Variants in ATG7 observed in about 807,000 individuals in gnomAD.
The protein encoded by ATG7 is autophagy related 7, also known as ubiquitin-like modifier-activating enzyme ATG7.
A neutral mutation model predicts 82.4 loss-of-function variants in ATG7; 70 were observed. That is an observed-to-expected ratio of 0.85 (90% confidence interval 0.70 to 1.04). ATG7 has a LOEUF of 1.04. ATG7 is among the 50% of genes least tolerant of loss of function. The pLI, the probability that ATG7 is intolerant of heterozygous loss-of-function variation, is 0.00. For missense variants in ATG7, 792 were observed against 864.3 expected (o/e 0.92, Z 1.05); for synonymous variants, 287 against 313.0 (o/e 0.92, Z 0.88).
intron 19 of ATG7, among the ~76,000 whole-genome samples, chr3:11,405,271 C>G (rs1461396843): frequency 1.3e-5 from 2 of 152,114 alleles, no homozygotes; most frequent in African/African-American, 4.8e-5. Context: ...ACTCTAAACT[C>G]CACCCCCACC....
chr3:11,555,139 A>G lies in ATG7; in HGVS notation c.*296A>G. 1 of 440,580 alleles carries G rather than the reference A, an allele frequency of 2.3e-6. No homozygotes were observed. The allele number at this position is 440,580 out of a possible 1,614,324, so 27.3% of individuals were successfully genotyped here. A position where few individuals can be genotyped will look rare whatever the true frequency, so the allele number is the denominator to read the frequency against. ...TCACAGTGACTGATAGCCATCCCCC[A>G]GGATCCTTTCCCCTTGGCCCTGAGG... On this transcript the variant is annotated 3_prime_UTR_variant, in exon 21 of 21. Transcript: ENST00000693202.
chr3:11,434,313 G>A (rs1337584181), intron 20 of ATG7, among the ~76,000 whole-genome samples: 1 of 152,224 alleles, frequency 6.6e-6, no homozygotes, highest in Non-Finnish European at 1.5e-5. Context: ...AAACCCCCGT[G>A]TCAGCACTCA....
At chr3:11,371,492 A>C (rs2076994519) in intron 18 of ATG7, among the ~76,000 whole-genome samples, 1 of 150,960 alleles carries the variant, frequency 6.6e-6, no homozygotes, top group South Asian at 2.1e-4. Flanking sequence ...TGGAGAATAG[A>C]CTGGAGGTGA....
downstream of ATG7, among the ~76,000 whole-genome samples, chr3:11,561,860 G>GA (rs1362420491): frequency 7.0e-6 from 1 of 143,074 alleles, no homozygotes; most frequent in African/African-American, 2.6e-5. Context: ...TCTCCTATCT[G>GA]AAAGCAACCC....
intron 1 of ATG7, among the ~76,000 whole-genome samples, chr3:11,274,180 G>T (rs750356309): frequency 2.4e-4 from 36 of 152,090 alleles, no homozygotes; most frequent in African/African-American, 8.7e-4. Context: ...TCCGTTTTTC[G>T]TTCCCAGCCA....
At chr3:11,318,431 C>T (rs992278770) in intron 9 of ATG7, among the ~76,000 whole-genome samples, 1 of 152,166 alleles carries the variant, frequency 6.6e-6, no homozygotes, top group African/African-American at 2.4e-5. Context: ...TTTGGTTGGT[C>T]TTCTATGCCT....
chr3:11,406,475 TA>T (rs561735434), intron 19 of ATG7, among the ~76,000 whole-genome samples: 2 of 150,382 alleles, frequency 1.3e-5, no homozygotes, highest in African/African-American at 2.4e-5. Flanking sequence ...CCAGTTAACT[TA>T]AAAAAAAAAT....
downstream of ATG7, chr3:11,559,514 T>TG (rs569721696): frequency 3.0e-4 from 443 of 1,483,016 alleles, 2 homozygotes; most frequent in South Asian, 5.7e-3. Context: ...GCACCACCCC[T>TG]GGGGCCCTCC....
the ATG7 span, chr3:11,564,846 C>T: frequency 5.6e-6 from 9 of 1,603,212 alleles, no homozygotes; most frequent in Non-Finnish European, 4.3e-6. Context: ...GGCTGGCCTG[C>T]TGGCGTCCAG....
chr3:11,386,683 A>G (rs1239910594), intron 19 of ATG7, among the ~76,000 whole-genome samples: 1 of 152,214 alleles, frequency 6.6e-6, no homozygotes, highest in African/African-American at 2.4e-5. Flanking sequence ...AATGATGAGT[A>G]ACCCCCAGGT....
At chr3:11,505,680 G>T (rs2091661164) in intron 20 of ATG7, among the ~76,000 whole-genome samples, 1 of 152,184 alleles carries the variant, frequency 6.6e-6, no homozygotes, top group Non-Finnish European at 1.5e-5. Flanking sequence ...ACCTTGCCAA[G>T]AATTAGGGAA....
intron 11 of ATG7, among the ~76,000 whole-genome samples, chr3:11,337,088 A>G (rs1952632603): frequency 1.3e-5 from 2 of 152,178 alleles, no homozygotes; most frequent in African/African-American, 4.8e-5. Context: ...TAGAGATCCC[A>G]TCTTAACTCT....
rs185994778 is a variant in ATG7 at position 11,457,257 on chromosome 3, C to T, written c.2079+30331C>T. Among the ~76,000 whole-genome samples the T allele has an allele frequency of 1.1e-3, 172 of 152,210 alleles. 1 individual carries two copies. The highest frequency in any genetic ancestry group is 3.7e-3 in the African/African-American group (155 of 41,536). Reference sequence around the variant, plus strand: ...AGAAGTATTGTTTCCCAAACTCTTGCGGCGGGAAGATCTGTACTAGGTGGG... The same window carrying T: ...AGAAGTATTGTTTCCCAAACTCTTGTGGCGGGAAGATCTGTACTAGGTGGG... On this transcript the variant is annotated intron_variant, in intron 20 of 20. Transcript: ENST00000693202.
intron 1 of ATG7, among the ~76,000 whole-genome samples, chr3:11,276,689 C>T (rs953965157): frequency 6.6e-6 from 1 of 152,166 alleles, no homozygotes; most frequent in African/African-American, 2.4e-5. Context: ...TAGGAAAACC[C>T]AGTCCTACTT....
the ATG7 span, among the ~76,000 whole-genome samples, chr3:11,567,835 A>G: frequency 1.3e-5 from 2 of 152,166 alleles, no homozygotes; most frequent in African/African-American, 4.8e-5. Context: ...TAAAGATACA[A>G]TTTTATTGTT....
chr3:11,459,680 T>C (rs1028351904), intron 20 of ATG7, among the ~76,000 whole-genome samples: 5 of 152,266 alleles, frequency 3.3e-5, no homozygotes, highest in Admixed American at 2.6e-4. Context: ...GGAAATATAC[T>C]GGCACAATTC....
At chr3:11,461,675 A>G (rs528813414) in intron 20 of ATG7, among the ~76,000 whole-genome samples, 1 of 152,192 alleles carries the variant, frequency 6.6e-6, no homozygotes, top group Non-Finnish European at 1.5e-5. Context: ...CCCCAGAAAC[A>G]GAACATCAAA....
rs568205598 is a variant in ATG7, at chr3:11,543,847, G to T, written c.2080-10964G>T. 3.3e-4 allele frequency among the ~76,000 whole-genome samples: 51 copies of T among 152,334 alleles called. 1 individual carries two copies. Among genetic ancestry groups the T allele is most frequent in the Middle Eastern group, 3.4e-3 (1 of 294 alleles). On this transcript the variant is annotated intron_variant, in intron 20 of 20. Transcript: ENST00000693202. ...AACCGCGGACCTCTGGGGACGGGAG[G>T]GGGAGGACCCATTTCATCTCTGCTG...
chr3:11,297,202 A>C (rs752751444), intron 3 of ATG7, among the ~76,000 whole-genome samples: 1 of 152,162 alleles, frequency 6.6e-6, no homozygotes, highest in East Asian at 1.9e-4. Context: ...CTGAAAATAC[A>C]GAAAAATTAG....
Sources: allele counts gnomAD v4.1 joint callset (sites outside exome capture counted in the v4.1 genomes callset), GRCh38; gene constraint gnomAD v4.1.1; transcripts MANE v1.5; gene names NCBI Gene and HGNC (gene_info 2026-07-23, HGNC 2026-07-21).